Variants in GFOD1 observed in about 807,000 individuals in gnomAD.
GFOD1 encodes the protein Gfo/Idh/MocA-like oxidoreductase domain containing 1, also known as glucose-fructose oxidoreductase domain-containing protein 1.
In GFOD1, 9 loss-of-function variants were observed where a neutral mutation model predicts 25.4. The observed-to-expected ratio is 0.35, with a 90% CI of 0.21 to 0.62. The LOEUF (loss-of-function observed/expected upper bound fraction) is 0.62, where lower values mean the gene tolerates loss of function less well. Ranked by LOEUF, GFOD1 falls within the 20% of genes least tolerant of loss-of-function variation. The probability of loss-of-function intolerance (pLI) is 0.72; values close to 1 mark genes in which losing one functional copy is unlikely to be tolerated. For synonymous variants in GFOD1, 253 were observed against 245.6 expected (o/e 1.03, Z -0.28); for missense variants, 403 against 556.9 (o/e 0.72, Z 2.78).
chr6:13,390,778 A>AG (rs1562202679), intron 1 of GFOD1, among the ~76,000 whole-genome samples: 5 of 102,262 alleles, frequency 4.9e-5, no homozygotes, highest in Non-Finnish European at 8.4e-5. Context: ...AGAGAGAGAG[A>AG]GAAAGGAAGG....
rs1364553311 is a variant in GFOD1, at chr6:13,487,058, T to G, written c.-168A>C. ...CCCGGGTGCCCAGAGCGCACCGAGC[T>G]GCAGGCGGAGCAAGCTCGGGGCGCC... is the stretch of plus-strand genomic sequence containing the variant. On this transcript the variant is annotated 5_prime_UTR_variant, in exon 1 of 2. Coordinates refer to ENST00000379287, the MANE Select transcript of GFOD1 (RefSeq NM_018988.4). This position sits in a 1 kb window ranked among gnomAD's most constrained non-coding sequence, Gnocchi z 4.9. 1 of 765,096 alleles carries G rather than the reference T, an allele frequency of 1.3e-6. No individual in the cohort carries two copies. Among genetic ancestry groups the G allele is most frequent in the Non-Finnish European group, 2.0e-6 (1 of 488,372 alleles). 47.4% of individuals were successfully genotyped at this position (765,096 alleles called of 1,614,324 possible).
intron 1 of GFOD1, among the ~76,000 whole-genome samples, chr6:13,372,941 C>A (rs192873996): frequency 8.5e-5 from 13 of 152,358 alleles, no homozygotes; most frequent in African/African-American, 3.1e-4. Flanking sequence ...GCTGTCCCAG[C>A]AGATTGGCAG....
intron 1 of GFOD1, among the ~76,000 whole-genome samples, chr6:13,442,813 G>C (rs192705637): frequency 1.5e-4 from 23 of 152,196 alleles, no homozygotes; most frequent in Non-Finnish European, 3.4e-4. Context: ...GGTCACCCAA[G>C]AGCTTTCATG....
In GFOD1 at chr6:13,360,608, A is replaced by T; in HGVS notation, c.*4135T>A. 1 of 433,946 alleles carries T rather than the reference A, an allele frequency of 2.3e-6. No homozygotes were observed. The highest frequency in any genetic ancestry group is 4.7e-6 in the Non-Finnish European group (1 of 211,362). 26.9% of individuals were successfully genotyped at this position (433,946 alleles called of 1,614,324 possible). A position where few individuals can be genotyped will look rare whatever the true frequency, so the allele number is the denominator to read the frequency against. On this transcript the variant is annotated 3_prime_UTR_variant, in exon 2 of 2. Coordinates refer to ENST00000379287, the MANE Select transcript of GFOD1 (RefSeq NM_018988.4). ...TGCATCACCTACAATCAAAATGAAC[A>T]TAGGAAGTCAATTTTAAAAAAGGCT...
chr6:13,409,922 CAAA>C (rs757548005), intron 1 of GFOD1, among the ~76,000 whole-genome samples: 1 of 72,084 alleles, frequency 1.4e-5, no homozygotes, highest in African/African-American at 3.9e-5. Context: ...GGCTCCATTT[CAAA>C]AAAAAAAAAA....
intron 1 of GFOD1, among the ~76,000 whole-genome samples, chr6:13,426,513 G>A (rs971569288): frequency 1.3e-5 from 2 of 152,184 alleles, no homozygotes; most frequent in African/African-American, 4.8e-5. Flanking sequence ...CTGTCCTTTG[G>A]TCTCTCAAGG....
intron 1 of GFOD1, among the ~76,000 whole-genome samples, chr6:13,484,333 C>T (rs1474469744): frequency 6.6e-6 from 1 of 152,158 alleles, no homozygotes. Context: ...CAGGCAAACA[C>T]TCGTATCTAT....
chr6:13,391,515 A>C lies in GFOD1; in HGVS notation c.254-25853T>G, dbSNP rs868722621. Among the ~76,000 whole-genome samples, 1,071 of 150,110 alleles carry C rather than the reference A, an allele frequency of 7.1e-3. 4 individuals carry two copies. The highest frequency in any genetic ancestry group is 0.024 in the African/African-American group (993 of 40,598). ...TCCATCTCAAAAACAAACAAACAAAAAAAAAAAAAAAAAAAGAAAGAGAAA... is the reference window on the plus strand; with the variant it reads ...TCCATCTCAAAAACAAACAAACAAACAAAAAAAAAAAAAAAGAAAGAGAAA... On this transcript the variant is annotated intron_variant, in intron 1 of 1. Transcript: ENST00000379287.
chr6:13,465,013 T>C (rs1389259072), intron 1 of GFOD1, among the ~76,000 whole-genome samples: 2 of 152,160 alleles, frequency 1.3e-5, no homozygotes, highest in Non-Finnish European at 2.9e-5. Flanking sequence ...CAGCCACACC[T>C]GATTTCCTCT....
chr6:13,454,231 G>C (rs1758148619), intron 1 of GFOD1, among the ~76,000 whole-genome samples: 1 of 152,100 alleles, frequency 6.6e-6, no homozygotes, highest in South Asian at 2.1e-4. Context: ...GAAGGAACCA[G>C]CCCTGCCCAC....
chr6:13,486,257 C>CCCCCCCCCCCCCCCCA (rs1554207083), intron 1 of GFOD1: 1 of 276,800 alleles, frequency 3.6e-6, no homozygotes, highest in African/African-American at 2.9e-5. Flanking sequence ...TCCCCCCCCC[C>CCCCCCCCCCCCCCCCA]CACACACACA....
At chr6:13,417,344 G>A (rs910635154) in intron 1 of GFOD1, among the ~76,000 whole-genome samples, 4 of 152,164 alleles carry the variant, frequency 2.6e-5, no homozygotes, top group African/African-American at 7.2e-5. Flanking sequence ...TAGTAGAGAT[G>A]GGGTTTCACC....
chr6:13,376,809 GC>G lies in GFOD1; in HGVS notation c.254-11148del. On this transcript the variant is annotated intron_variant, in intron 1 of 1. Coordinates refer to ENST00000379287, the MANE Select transcript of GFOD1 (RefSeq NM_018988.4). Reference sequence around the variant, plus strand: ...TGGGAACCTCCTATCATCTCCCAAAGCCCTCACTTAGTCCCCAACAAAACCT... The same window carrying G: ...TGGGAACCTCCTATCATCTCCCAAAGCCTCACTTAGTCCCCAACAAAACCT... Among the ~76,000 whole-genome samples the G allele has an allele frequency of 1.3e-5, 2 of 152,266 alleles. 1 individual carries two copies. Among genetic ancestry groups the G allele is most frequent in the South Asian group, 4.1e-4 (2 of 4,824 alleles).
intron 1 of GFOD1, among the ~76,000 whole-genome samples, chr6:13,478,703 T>C (rs1758681916): frequency 6.6e-6 from 1 of 152,150 alleles, no homozygotes; most frequent in Admixed American, 6.5e-5. Context: ...ACTTGTCATG[T>C]TCATATTTGG....
In GFOD1 at chr6:13,360,576, G is replaced by A. The variant is rs1252569346; in HGVS notation, c.*4167C>T. On this transcript the variant is annotated 3_prime_UTR_variant, in exon 2 of 2. Transcript: ENST00000379287. ...AGATTTTGAAAATCCCCAGCCCTGAGGCTTGCTGCATCACCTACAATCAAA... is the reference window on the plus strand; with the variant it reads ...AGATTTTGAAAATCCCCAGCCCTGAAGCTTGCTGCATCACCTACAATCAAA... 5 of 403,268 alleles carry A rather than the reference G, an allele frequency of 1.2e-5. No homozygotes were observed. The highest frequency in any genetic ancestry group is 1.0e-4 in the Admixed American group (4 of 38,388). 25.0% of individuals were successfully genotyped at this position (403,268 alleles called of 1,614,324 possible). A position where few individuals can be genotyped will look rare whatever the true frequency, so the allele number is the denominator to read the frequency against.
intron 1 of GFOD1, among the ~76,000 whole-genome samples, chr6:13,432,773 G>A (rs1426007348): frequency 2.6e-5 from 4 of 152,102 alleles, no homozygotes; most frequent in Admixed American, 6.5e-5. Context: ...GGGCAGCACA[G>A]AGGCTACTGC....
chr6:13,483,020 C>A (rs755229127), intron 1 of GFOD1, among the ~76,000 whole-genome samples: 4 of 151,788 alleles, frequency 2.6e-5, no homozygotes, highest in African/African-American at 9.7e-5. Context: ...ATAATGATTG[C>A]CTCCTGTCCA....
chr6:13,403,586 A>G (rs1436583123), intron 1 of GFOD1, among the ~76,000 whole-genome samples: 2 of 152,252 alleles, frequency 1.3e-5, no homozygotes, highest in Non-Finnish European at 2.9e-5. Context: ...TACAGTAAAA[A>G]TTATAATACT....
intron 1 of GFOD1, among the ~76,000 whole-genome samples, chr6:13,445,716 TA>T (rs1433300921): frequency 6.6e-6 from 1 of 152,230 alleles, no homozygotes; most frequent in Non-Finnish European, 1.5e-5. Context: ...AGGTTTGCTC[TA>T]AAACAAGAAA....
Sources: gnomAD v4.1 joint callset for allele counts (sites outside exome capture counted in the v4.1 genomes callset) on GRCh38, gnomAD v4.1.1 for gene constraint, Gnocchi (gnomAD v3.1) non-coding constraint, MANE v1.5 for transcripts, NCBI Gene and HGNC (gene_info 2026-07-23, HGNC 2026-07-21) for gene names.